ZNF18: variants seen among roughly 807,000 people sequenced by gnomAD.
ZNF18 encodes zinc finger protein 18, also known as heart development-specific gene 1 protein.
ZNF18 carries 42 observed loss-of-function variants against 58.1 expected under a neutral mutation model. That is an observed-to-expected ratio of 0.72 (90% CI 0.56 to 0.93). The LOEUF is 0.93. Among genes scored for constraint, ZNF18 ranks in the 40% least tolerant of loss-of-function variants. ZNF18 has a pLI of 0.00. For missense variants in ZNF18, 540 were observed against 644.2 expected (o/e 0.84, Z 1.75); for synonymous variants, 231 against 239.8 (o/e 0.96, Z 0.34).
At chr17:11,997,630 C>T (rs996442304), upstream of ZNF18, 1 of 152,264 alleles carries the variant, frequency 6.6e-6, no homozygotes, top group African/African-American at 2.4e-5. Context: ...GACATGGCAG[C>T]GAGGTTCCCG....
chr17:11,998,823 T>TAGTC (rs1968605260), upstream of ZNF18, among the ~76,000 whole-genome samples: 1 of 69,160 alleles, frequency 1.4e-5, no homozygotes, highest in Admixed American at 1.5e-4. Context: ...GTTTCTAGTC[T>TAGTC]TTTTTTTTTT....
At chr17:12,020,250 C>G in the ZNF18 span, among the ~76,000 whole-genome samples, 34,467 of 152,074 alleles carry the variant, frequency 0.23, 4,065 homozygotes, top group Non-Finnish European at 0.25. Flanking sequence ...AATGGGCATA[C>G]AAATTACCTG....
At chr17:12,010,440 G>A in the ZNF18 span, among the ~76,000 whole-genome samples, 42 of 150,384 alleles carry the variant, frequency 2.8e-4, no homozygotes, top group African/African-American at 8.5e-4. Flanking sequence ...TTTTCCAGAT[G>A]GAGTCTTGCT....
chr17:11,988,167 G>C (rs1439653608), intron 4 of ZNF18, among the ~76,000 whole-genome samples: 2 of 152,140 alleles, frequency 1.3e-5, no homozygotes, highest in African/African-American at 4.8e-5. Context: ...TGAAGTATTA[G>C]GAATTGTTGA....
chr17:12,019,558 T>C, the ZNF18 span, among the ~76,000 whole-genome samples: 1 of 152,192 alleles, frequency 6.6e-6, no homozygotes, highest in Admixed American at 6.5e-5. Context: ...ACGAGGCCCA[T>C]GGAGGAGAAT....
At chr17:11,989,028 A>C (rs2151480385) in intron 4 of ZNF18, among the ~76,000 whole-genome samples, 1 of 152,120 alleles carries the variant, frequency 6.6e-6, no homozygotes, top group Non-Finnish European at 1.5e-5. Flanking sequence ...GCATGGTGGC[A>C]CACGCCTGTA....
chr17:11,978,896 C>T, intron 6 of ZNF18, 152 bp from the exon 7 acceptor site: 2 of 526,722 alleles, frequency 3.8e-6, no homozygotes, highest in Non-Finnish European at 6.1e-6. Context: ...AAGAAAACTA[C>T]CATATGGCCC....
the ZNF18 span, among the ~76,000 whole-genome samples, chr17:12,019,200 G>A: frequency 6.6e-6 from 1 of 151,868 alleles, no homozygotes; most frequent in Admixed American, 6.6e-5. Context: ...CTGACCTCAC[G>A]TAATCCACCC....
the ZNF18 span, among the ~76,000 whole-genome samples, chr17:12,002,817 G>A: frequency 3.3e-5 from 5 of 152,210 alleles, no homozygotes; most frequent in African/African-American, 1.2e-4. Context: ...CCCTGGAACT[G>A]AGGAGCAGAA....
the ZNF18 span, among the ~76,000 whole-genome samples, chr17:12,020,659 G>C: frequency 6.6e-6 from 1 of 152,158 alleles, no homozygotes; most frequent in South Asian, 2.1e-4. Context: ...CCTGGTCCAA[G>C]ACAGCTGTCT....
chr17:12,013,643 C>T, the ZNF18 span, among the ~76,000 whole-genome samples: 1 of 152,106 alleles, frequency 6.6e-6, no homozygotes, highest in African/African-American at 2.4e-5. Flanking sequence ...TAGGTTTTTT[C>T]ATTCTTATGA....
chr17:11,980,321 G>A (rs558046655), intron 6 of ZNF18, among the ~76,000 whole-genome samples: 18 of 152,204 alleles, frequency 1.2e-4, no homozygotes, highest in African/African-American at 4.1e-4. Context: ...TTTCATACTC[G>A]AAGACTGCTG....
chr17:12,005,051 C>T, the ZNF18 span, among the ~76,000 whole-genome samples: 18 of 150,330 alleles, frequency 1.2e-4, no homozygotes, highest in African/African-American at 3.7e-4. Flanking sequence ...AGTTTAAATA[C>T]GTGTGTATAT....
chr17:12,006,625 C>T, the ZNF18 span, among the ~76,000 whole-genome samples: 2 of 152,076 alleles, frequency 1.3e-5, no homozygotes, highest in African/African-American at 4.8e-5. Flanking sequence ...GTGGTGCACA[C>T]CTGTGGACCC....
At chr17:11,998,643 A>G (rs1227448632), upstream of ZNF18, among the ~76,000 whole-genome samples, 1 of 151,944 alleles carries the variant, frequency 6.6e-6, no homozygotes, top group Non-Finnish European at 1.5e-5. Flanking sequence ...TGTTTACAAG[A>G]ATTAAAGATC....
chr17:11,981,463 G>T (rs968630920), intron 6 of ZNF18, among the ~76,000 whole-genome samples: 2 of 150,534 alleles, frequency 1.3e-5, no homozygotes, highest in South Asian at 4.2e-4. Context: ...GGGATTACAG[G>T]TGCTCACACC....
At chr17:11,991,772 C>T (rs1240135242) in intron 2 of ZNF18, among the ~76,000 whole-genome samples, 5 of 152,058 alleles carry the variant, frequency 3.3e-5, no homozygotes, top group Non-Finnish European at 5.9e-5. Context: ...GAGGAACCAA[C>T]CTTGAGATTA....
intron 2 of ZNF18, 94 bp downstream of exon 2, chr17:11,992,349 T>C (rs1968178953): frequency 1.3e-6 from 2 of 1,485,822 alleles, no homozygotes; most frequent in South Asian, 1.3e-5. Flanking sequence ...ACCCATTTTG[T>C]GTCATAAGTG....
chr17:12,005,205 A>G, the ZNF18 span, among the ~76,000 whole-genome samples: 2 of 151,112 alleles, frequency 1.3e-5, no homozygotes, highest in African/African-American at 4.8e-5. Flanking sequence ...TAATATATGC[A>G]TATATATTAT....
Sources: gnomAD v4.1 joint callset for allele counts (sites outside exome capture counted in the v4.1 genomes callset) on GRCh38, gnomAD v4.1.1 for gene constraint, MANE v1.5 for transcripts, NCBI Gene and HGNC (gene_info 2026-07-23, HGNC 2026-07-21) for gene names.